Variants in GPATCH1 observed in about 807,000 individuals in gnomAD.
The protein encoded by GPATCH1 is G-patch domain containing 1.
In GPATCH1, 73 loss-of-function variants were observed where a neutral mutation model predicts 114.9. That is an observed-to-expected ratio of 0.64 (90% CI 0.53 to 0.77). The LOEUF is 0.77. Ranked by LOEUF, GPATCH1 falls within the 30% of genes least tolerant of loss-of-function variation. The pLI, the probability that GPATCH1 is intolerant of heterozygous loss-of-function variation, is 0.00. For missense variants in GPATCH1, 1,058 were observed against 1,144.3 expected (o/e 0.92, Z 1.09); for synonymous variants, 391 against 428.4 (o/e 0.91, Z 1.08).
intron 17 of GPATCH1, among the ~76,000 whole-genome samples, chr19:33,120,069 A>T (rs11878753): frequency 0.42 from 57,543 of 138,564 alleles, 16,015 homozygotes; most frequent in African/African-American, 0.75. Context: ...TTATATATAT[A>T]TAAAATATAA....
intron 8 of GPATCH1, among the ~76,000 whole-genome samples, chr19:33,099,500 C>A (rs899456602): frequency 2.0e-5 from 3 of 152,036 alleles, no homozygotes; most frequent in Non-Finnish European, 4.4e-5. Flanking sequence ...CTCTCTCCCC[C>A]CCTGCAGGGT....
chr19:33,100,572 G>A lies in GPATCH1; in HGVS notation c.1001-923G>A, dbSNP rs1012892177. On this transcript the variant is annotated intron_variant, in intron 8 of 19. Transcript: ENST00000170564. Reference sequence around the variant, plus strand: ...CACTGTACTCTAGCCTGGTGACAGAGCGAGACTCCATCTCAAAAAAAAAAA... The same window carrying A: ...CACTGTACTCTAGCCTGGTGACAGAACGAGACTCCATCTCAAAAAAAAAAA... 1.9e-4 allele frequency among the ~76,000 whole-genome samples: 26 copies of A among 135,744 alleles called. No homozygotes were observed. In the East Asian group the frequency reaches 5.6e-3, roughly 29 times the overall value. 89.1% of individuals were successfully genotyped at this position (135,744 alleles called of 152,430 possible).
At position 33,090,769 on chromosome 19, in the gene GPATCH1, T is replaced by C; in HGVS notation, c.209-11T>C. On this transcript the variant is annotated splice_polypyrimidine_tract_variant and intron_variant, in intron 2 of 19. Transcript: ENST00000170564. Reference sequence around the variant, plus strand: ...CTAGGATTGTAAAGTTCTAAACTCTTTTTTTTTCAGGATGGACACCCTCTA... The same window carrying C: ...CTAGGATTGTAAAGTTCTAAACTCTCTTTTTTTCAGGATGGACACCCTCTA... 5.0e-6 allele frequency: 8 copies of C among 1,589,766 alleles called. No homozygotes were observed. The highest frequency in any genetic ancestry group is 6.9e-6 in the Non-Finnish European group (8 of 1,158,292).
intron 1 of GPATCH1, among the ~76,000 whole-genome samples, chr19:33,082,236 C>G (rs146993651): frequency 6.6e-6 from 1 of 152,022 alleles, no homozygotes; most frequent in South Asian, 2.1e-4. Context: ...AAGGTTCTCT[C>G]CTGTGTTTCT....
rs140114933 is a variant in GPATCH1 at position 33,106,866 on chromosome 19, C to T, written c.1252C>T (p.Arg418Trp). ...HSKHQLNASK[R>W]AELLGETPIQ... ...TAAGCACCAACTGAATGCCTCCAAA[C>T]GGGCTGAGTTGCTTGGAGAGACGCC... The change falls in exon 10 of 20, where the codon CGG becomes TGG. Residue 418 changes from arginine to tryptophan, a missense_variant. Around this residue, in one of 3 missense-constraint regions of GPATCH1, gnomAD observed 893 missense variants for 977.4 expected, o/e 0.91. Coordinates refer to ENST00000170564, the MANE Select transcript of GPATCH1 (RefSeq NM_018025.3). The T allele has an allele frequency of 2.0e-5, 33 of 1,613,984 alleles. No homozygotes were observed. Among genetic ancestry groups the T allele is most frequent in the African/African-American group, 1.1e-4 (8 of 75,004 alleles).
At chr19:33,085,100 C>G (rs891644905) in intron 1 of GPATCH1, among the ~76,000 whole-genome samples, 2 of 152,180 alleles carry the variant, frequency 1.3e-5, no homozygotes, top group African/African-American at 4.8e-5. Flanking sequence ...TGCTCCAGTA[C>G]GTGCAGGTCT....
chr19:33,081,376 C>T (rs1972474324), intron 1 of GPATCH1, 110 bp downstream of exon 1: 10 of 867,486 alleles, frequency 1.2e-5, no homozygotes, highest in African/African-American at 1.7e-5. Context: ...GTTCCCAGCG[C>T]TGGGAACACG....
rs759908888 is a variant in GPATCH1, at chr19:33,104,338, C to CAAAAAAAAAAA, written c.1081-2349_1081-2348insAAAAAAAAAAA. 4.1e-4 allele frequency among the ~76,000 whole-genome samples: 51 copies of CAAAAAAAAAAA among 124,838 alleles called. 5 individuals are homozygous for CAAAAAAAAAAA. The highest frequency in any genetic ancestry group is 2.2e-3 in the East Asian group (9 of 4,150). 81.9% of individuals were successfully genotyped at this position (124,838 alleles called of 152,430 possible). On this transcript the variant is annotated intron_variant, in intron 9 of 19. Transcript: ENST00000170564. ...TGGGCAACAGAGTGAGACCCTGTCTCAAAAAAAAGAAAGAAATACTTTGAA... is the reference window on the plus strand; with the variant it reads ...TGGGCAACAGAGTGAGACCCTGTCTCAAAAAAAAAAAAAAAAAAAGAAAGAAATACTTTGAA...
rs762555051 is a variant in GPATCH1 at position 33,129,498 on chromosome 19, G to A, written c.2766-632G>A. Among the ~76,000 whole-genome samples the A allele has an allele frequency of 3.9e-5, 6 of 151,976 alleles. No individual in the cohort carries two copies. The East Asian group carries it at 5.8e-4, about 15-fold the overall frequency. On this transcript the variant is annotated intron_variant, in intron 19 of 19. Transcript: ENST00000170564. ...AGTTCCTTCCCAAGGGTCATGCAACGGATGCGGTAGGTGAGTGAAACTGAG... is the reference window on the plus strand; with the variant it reads ...AGTTCCTTCCCAAGGGTCATGCAACAGATGCGGTAGGTGAGTGAAACTGAG...
chr19:33,096,865 A>C (rs1023202673), intron 7 of GPATCH1, among the ~76,000 whole-genome samples: 1 of 150,920 alleles, frequency 6.6e-6, no homozygotes, highest in African/African-American at 2.4e-5. Flanking sequence ...CTGACTTCAG[A>C]TGATCCACCT....
At chr19:33,093,651 G>A in intron 4 of GPATCH1, 132 bp downstream of exon 4, 1 of 842,564 alleles carries the variant, frequency 1.2e-6, no homozygotes. Flanking sequence ...GAAAAAGGGG[G>A]TTTTGCGTAA....
intron 17 of GPATCH1, among the ~76,000 whole-genome samples, chr19:33,122,244 G>A (rs1036188068): frequency 6.6e-5 from 10 of 151,784 alleles, no homozygotes; most frequent in Non-Finnish European, 1.0e-4. Flanking sequence ...CTAACCTCAA[G>A]TGATCCACCT....
At chr19:33,087,513 G>A (rs1972545237) in intron 1 of GPATCH1, among the ~76,000 whole-genome samples, 1 of 151,968 alleles carries the variant, frequency 6.6e-6, no homozygotes, top group African/African-American at 2.4e-5. Context: ...TTAGGAGTCG[G>A]GGAAAATAGG....
chr19:33,101,431 G>C lies in GPATCH1; in HGVS notation c.1001-64G>C, dbSNP rs537297585. ...CTTAGAGATAAGAACGTAAAATGCT[G>C]ATGTGTTCTGTCTTATTCTAATCAT... On this transcript the variant is annotated intron_variant, in intron 8 of 19. Transcript: ENST00000170564. The C allele has an allele frequency of 8.4e-4, 739 of 882,660 alleles. 5 individuals carry two copies. The Middle Eastern group carries it at 0.015, about 17-fold the overall frequency. The allele number at this position is 882,660 out of a possible 1,614,324, so 54.7% of individuals were successfully genotyped here.
At chr19:33,122,314 G>C (rs142267012) in intron 17 of GPATCH1, among the ~76,000 whole-genome samples, 1 of 140,230 alleles carries the variant, frequency 7.1e-6, no homozygotes, top group Admixed American at 7.5e-5. Context: ...TGGTTGTTCG[G>C]CCCTTTAGTT....
chr19:33,122,753 G>GA (rs1296667618), intron 17 of GPATCH1, among the ~76,000 whole-genome samples: 1 of 151,882 alleles, frequency 6.6e-6, no homozygotes, highest in Non-Finnish European at 1.5e-5. Flanking sequence ...AATGATTTTT[G>GA]AAAAAAACTA....
At chr19:33,089,327 C>T (rs1161566117) in intron 2 of GPATCH1, among the ~76,000 whole-genome samples, 1 of 152,182 alleles carries the variant, frequency 6.6e-6, no homozygotes, top group Non-Finnish European at 1.5e-5. Flanking sequence ...CCTCTTCAGA[C>T]ACTGGGGACC....
At chr19:33,090,937 C>A in intron 3 of GPATCH1, 72 bp downstream of exon 3, 1 of 873,802 alleles carries the variant, frequency 1.1e-6, no homozygotes, top group South Asian at 1.4e-5. Context: ...ACTGCCTTCT[C>A]TCTCCCCAGA....
intron 7 of GPATCH1, among the ~76,000 whole-genome samples, chr19:33,097,217 T>C (rs1972671627): frequency 6.6e-6 from 1 of 152,228 alleles, no homozygotes; most frequent in African/African-American, 2.4e-5. Flanking sequence ...GTGCTGGGAT[T>C]ACAGGCGTGA....
Sources: gnomAD v4.1 joint callset for allele counts (sites outside exome capture counted in the v4.1 genomes callset) on GRCh38, gnomAD v4.1.1 for gene constraint, gnomAD v4.1.1 regional missense constraint, MANE v1.5 for transcripts, NCBI Gene and HGNC (gene_info 2026-07-23, HGNC 2026-07-21) for gene names.